Variants in ANK1 observed in about 807,000 individuals in gnomAD.
ANK1 encodes ankyrin-1.
A neutral mutation model predicts 210.4 loss-of-function variants in ANK1; 51 were observed. That is an observed-to-expected ratio of 0.24 (90% CI 0.19 to 0.31). The LOEUF is 0.31. Among genes scored for constraint, ANK1 ranks in the 10% least tolerant of loss-of-function variants. The probability of loss-of-function intolerance (pLI) is 1.00; values close to 1 mark genes in which losing one functional copy is unlikely to be tolerated. For synonymous variants in ANK1, 967 were observed against 1,025.9 expected (o/e 0.94, Z 1.10); for missense variants, 2,051 against 2,504.4 (o/e 0.82, Z 3.86).
intron 37 of ANK1, among the ~76,000 whole-genome samples, chr8:41,683,198 G>A (rs557389748): frequency 2.0e-4 from 30 of 152,352 alleles, no homozygotes; most frequent in African/African-American, 7.2e-4. Flanking sequence ...GCATGTGGAC[G>A]TGGCCGGCTC....
At chr8:41,703,400 A>ATGTG (rs1199694080) in intron 20 of ANK1, among the ~76,000 whole-genome samples, 2,027 of 73,036 alleles carry the variant, frequency 0.028, 34 homozygotes, top group Middle Eastern at 0.035. Flanking sequence ...ATATATGTAT[A>ATGTG]TGTGTGTGTG....
intron 1 of ANK1, among the ~76,000 whole-genome samples, chr8:41,842,392 C>T (rs1193778380): frequency 6.6e-6 from 1 of 151,954 alleles, no homozygotes; most frequent in Admixed American, 6.6e-5. Flanking sequence ...ACTTGGGAGG[C>T]TGAGGCAGGA....
chr8:41,837,846 G>T (rs1462565228), intron 1 of ANK1, among the ~76,000 whole-genome samples: 6 of 152,136 alleles, frequency 3.9e-5, no homozygotes, highest in Non-Finnish European at 5.9e-5. Context: ...ACTACAGCCT[G>T]GGCAACAGAG....
At chr8:41,892,383 A>T (rs1280614067) in intron 1 of ANK1, among the ~76,000 whole-genome samples, 3 of 152,178 alleles carry the variant, frequency 2.0e-5, no homozygotes, top group African/African-American at 7.2e-5. Context: ...AGACTGACGG[A>T]GCTGCCTGCA....
At chr8:41,824,489 C>T (rs1430819321) in intron 1 of ANK1, among the ~76,000 whole-genome samples, 10 of 152,124 alleles carry the variant, frequency 6.6e-5, no homozygotes, top group African/African-American at 1.9e-4. Context: ...TGCAAATTCT[C>T]GCTGCTTTCA....
intron 1 of ANK1, among the ~76,000 whole-genome samples, chr8:41,816,216 TCACAAAA>T (rs1803302570): frequency 6.6e-6 from 1 of 152,192 alleles, no homozygotes; most frequent in African/African-American, 2.4e-5. Flanking sequence ...GTTATGAGAG[TCACAAAA>T]GCAAGAACAT....
chr8:41,766,688 T>A (rs1255981537), intron 1 of ANK1, among the ~76,000 whole-genome samples: 2 of 152,186 alleles, frequency 1.3e-5, no homozygotes, highest in African/African-American at 4.8e-5. Flanking sequence ...CTTGATGCTG[T>A]GCTCATCTAA....
chr8:41,822,689 A>G (rs1378029200), intron 1 of ANK1, among the ~76,000 whole-genome samples: 3 of 152,120 alleles, frequency 2.0e-5, no homozygotes, highest in Admixed American at 1.3e-4. Flanking sequence ...TGTGCTTGCA[A>G]TGAGGATGAT....
chr8:41,718,977 G>T (rs1450553212), intron 10 of ANK1, among the ~76,000 whole-genome samples: 1 of 152,190 alleles, frequency 6.6e-6, no homozygotes, highest in Non-Finnish European at 1.5e-5. Context: ...AAGCTTTTTT[G>T]AGCGAGTGAG....
chr8:41,841,384 G>T (rs943639543), intron 1 of ANK1, among the ~76,000 whole-genome samples: 1 of 152,168 alleles, frequency 6.6e-6, no homozygotes, highest in African/African-American at 2.4e-5. Flanking sequence ...GGCTGAGTGA[G>T]GGAGAGCTGG....
At chr8:41,762,462 C>T (rs1840704121) in intron 1 of ANK1, among the ~76,000 whole-genome samples, 1 of 152,150 alleles carries the variant, frequency 6.6e-6, no homozygotes, top group African/African-American at 2.4e-5. Flanking sequence ...CTTCTTGGGG[C>T]AGGGACCAAG....
At chr8:41,824,047 C>T (rs928534535) in intron 1 of ANK1, among the ~76,000 whole-genome samples, 3 of 152,022 alleles carry the variant, frequency 2.0e-5, no homozygotes, top group African/African-American at 7.2e-5. Flanking sequence ...GCAGCCTCCA[C>T]CTCCCAGATT....
chr8:41,889,166 G>A (rs1818967690), intron 1 of ANK1, among the ~76,000 whole-genome samples: 2 of 152,176 alleles, frequency 1.3e-5, no homozygotes, highest in Non-Finnish European at 2.9e-5. Context: ...CTTCAGCTTT[G>A]ACTCTTCTCT....
intron 1 of ANK1, among the ~76,000 whole-genome samples, chr8:41,767,266 AGCCCCGGCCCCG>A (rs1254312996): frequency 1.3e-5 from 2 of 151,688 alleles, no homozygotes; most frequent in African/African-American, 2.4e-5. Context: ...ACGGACGCAG[AGCCCCGGCCCCG>A]GCCCCGGCCC....
At chr8:41,822,064 A>AAGAGAGAGAG (rs10605195) in intron 1 of ANK1, among the ~76,000 whole-genome samples, 11 of 36,214 alleles carry the variant, frequency 3.0e-4, no homozygotes, top group African/African-American at 1.0e-3. Flanking sequence ...GAAAGAAAGA[A>AAGAGAGAGAG]AGAGAGAGAG....
chr8:41,688,232 T>TGG lies in ANK1; in HGVS notation c.4184-4_4184-3dup. On this transcript the variant is annotated splice_polypyrimidine_tract_variant and splice_region_variant and intron_variant, in intron 34 of 42. Transcript: ENST00000289734. ...CCTGCTCTGTCCCACTGAGAGAACC[T>TGG]GGGGAGAAGCATTAGATTTCATTTA... 1 of 1,614,028 alleles carries TGG rather than the reference T, an allele frequency of 6.2e-7. No homozygotes were observed. Among genetic ancestry groups the TGG allele is most frequent in the Non-Finnish European group, 8.5e-7 (1 of 1,179,960 alleles).
chr8:41,831,370 G>A (rs992580473), intron 1 of ANK1, among the ~76,000 whole-genome samples: 4 of 152,040 alleles, frequency 2.6e-5, no homozygotes, highest in African/African-American at 7.3e-5. Context: ...CATGTTTGCC[G>A]GGCATGGTGG....
chr8:41,867,011 T>C (rs929716166), intron 1 of ANK1, among the ~76,000 whole-genome samples: 1 of 152,226 alleles, frequency 6.6e-6, no homozygotes, highest in Admixed American at 6.5e-5. Context: ...ATTCTATTTT[T>C]AATTTTTTGA....
intron 1 of ANK1, among the ~76,000 whole-genome samples, chr8:41,809,904 G>C (rs1802225278): frequency 6.6e-6 from 1 of 152,194 alleles, no homozygotes; most frequent in South Asian, 2.1e-4. Flanking sequence ...CTCCTACTTT[G>C]TGAAAGTAAT....
Sources: gnomAD v4.1 joint callset for allele counts (sites outside exome capture counted in the v4.1 genomes callset) on GRCh38, gnomAD v4.1.1 for gene constraint, MANE v1.5 for transcripts, NCBI Gene and HGNC (gene_info 2026-07-23, HGNC 2026-07-21) for gene names.